The following CLASP1 variants were observed in gnomAD, a reference collection of about 807,000 sequenced individuals.
CLASP1 encodes the protein cytoplasmic linker associated protein 1.
CLASP1 carries 38 observed loss-of-function variants against 192.3 expected under a neutral mutation model. The observed-to-expected ratio is 0.20, with a 90% CI of 0.15 to 0.26. The LOEUF (loss-of-function observed/expected upper bound fraction) is 0.26, where lower values mean the gene tolerates loss of function less well. Among genes scored for constraint, CLASP1 ranks in the 10% least tolerant of loss-of-function variants. The pLI, the probability that CLASP1 is intolerant of heterozygous loss-of-function variation, is 1.00. For missense variants in CLASP1, 1,433 were observed against 1,932.5 expected, an observed-to-expected ratio of 0.74 and a Z score of 4.85; for synonymous variants, 691 against 712.8, an observed-to-expected ratio of 0.97 and a Z score of 0.49.
chr2:121,416,918 C>T (rs2078691510), intron 23 of CLASP1, among the ~76,000 whole-genome samples: 1 of 152,172 alleles, frequency 6.6e-6, no homozygotes, highest in African/African-American at 2.4e-5. Flanking sequence ...GGTGTGTGTA[C>T]ACATGAGCAA....
chr2:121,480,685 A>G (rs371279541), intron 8 of CLASP1, among the ~76,000 whole-genome samples: 22 of 152,260 alleles, frequency 1.4e-4, no homozygotes, highest in East Asian at 1.4e-3. Context: ...TGCCCACCCA[A>G]TATCAACCCC....
At position 121,558,499 on chromosome 2, in the gene CLASP1, G is replaced by T. The variant is rs567568663; in HGVS notation, c.196-28174C>A. 2.6e-5 allele frequency among the ~76,000 whole-genome samples: 4 copies of T among 152,304 alleles called. No individual in the cohort carries two copies. In the South Asian group the frequency reaches 8.3e-4, roughly 32 times the overall value. Reference sequence around the variant, plus strand: ...GCTCTGTCTTCACGAATGGATGAATGAATTAATGGGTTATCACGGGAGTGG... The same window carrying T: ...GCTCTGTCTTCACGAATGGATGAATTAATTAATGGGTTATCACGGGAGTGG... On this transcript the variant is annotated intron_variant, in intron 2 of 39. Coordinates refer to ENST00000263710, the Ensembl canonical transcript of CLASP1.
chr2:121,558,596 C>A (rs983898518), intron 2 of CLASP1, among the ~76,000 whole-genome samples: 1 of 152,140 alleles, frequency 6.6e-6, no homozygotes, highest in Admixed American at 6.5e-5. Context: ...CATGTAATAA[C>A]CCGCACCACC....
At chr2:121,530,531 C>T (rs1227486293) in intron 2 of CLASP1, 8 of 550,114 alleles carry the variant, frequency 1.5e-5, no homozygotes, top group Non-Finnish European at 2.6e-5. Context: ...GGAAAATACT[C>T]GGTGAGGAGA....
intron 1 of CLASP1, among the ~76,000 whole-genome samples, chr2:121,636,168 C>G (rs1484771174): frequency 6.6e-6 from 1 of 151,186 alleles, no homozygotes; most frequent in Non-Finnish European, 1.5e-5. Flanking sequence ...GAAACCCGGT[C>G]TCTACTAAAA....
chr2:121,409,626 G>A (rs1234427162), intron 24 of CLASP1, among the ~76,000 whole-genome samples: 1 of 152,130 alleles, frequency 6.6e-6, no homozygotes, highest in Non-Finnish European at 1.5e-5. Flanking sequence ...AAATTTCCCT[G>A]CCTTAAGTGG....
intron 7 of CLASP1, among the ~76,000 whole-genome samples, chr2:121,507,085 C>T (rs531445204): frequency 6.6e-6 from 1 of 152,098 alleles, no homozygotes; most frequent in South Asian, 2.1e-4. Context: ...AATCAGTCAA[C>T]AAAAACTATT....
intron 8 of CLASP1, among the ~76,000 whole-genome samples, chr2:121,499,879 T>A (rs2093673764): frequency 6.6e-6 from 1 of 151,586 alleles, no homozygotes; most frequent in African/African-American, 2.4e-5. Context: ...AAAGAACATC[T>A]ACAAAAATCC....
intron 1 of CLASP1, among the ~76,000 whole-genome samples, chr2:121,648,399 T>C (rs1014068737): frequency 2.6e-5 from 4 of 152,150 alleles, no homozygotes; most frequent in African/African-American, 9.7e-5. Context: ...GCTCACAGGT[T>C]CTACGAATGG....
rs1191489360 is a variant in CLASP1, at chr2:121,583,834, G to A, written c.195+21867C>T. Among the ~76,000 whole-genome samples the A allele has an allele frequency of 2.0e-5, 3 of 152,106 alleles. No homozygotes were observed. In the East Asian group the frequency reaches 5.8e-4, roughly 29 times the overall value. Reference sequence around the variant, plus strand: ...TTGGGGAGGTGATTAAGTCATGAGGGCAGAGCTCTCATGAATGAGACTAAC... The same window carrying A: ...TTGGGGAGGTGATTAAGTCATGAGGACAGAGCTCTCATGAATGAGACTAAC... On this transcript the variant is annotated intron_variant, in intron 2 of 39. Transcript: ENST00000263710.
chr2:121,585,744 A>T (rs995002048), intron 2 of CLASP1, among the ~76,000 whole-genome samples: 3 of 152,034 alleles, frequency 2.0e-5, no homozygotes, highest in African/African-American at 7.2e-5. Context: ...CTAAAAATAC[A>T]AAATTAGCTG....
At chr2:121,556,194 C>G (rs1467845082) in intron 2 of CLASP1, among the ~76,000 whole-genome samples, 3 of 151,884 alleles carry the variant, frequency 2.0e-5, no homozygotes, top group Non-Finnish European at 4.4e-5. Flanking sequence ...CCATGTTGGC[C>G]AGGCTGGTCT....
intron 2 of CLASP1, chr2:121,530,651 T>G: frequency 1.9e-6 from 1 of 519,700 alleles, no homozygotes; most frequent in Non-Finnish European, 3.4e-6. Context: ...GAGAAAAGCG[T>G]ATGCAAATTT....
chr2:121,510,990 G>T (rs1438983759), intron 7 of CLASP1, among the ~76,000 whole-genome samples: 1 of 152,086 alleles, frequency 6.6e-6, no homozygotes, highest in Non-Finnish European at 1.5e-5. Context: ...AGGCAGTGAA[G>T]GCAGCCAGTT....
intron 1 of CLASP1, among the ~76,000 whole-genome samples, chr2:121,629,610 G>T (rs1331516826): frequency 6.6e-6 from 1 of 151,352 alleles, no homozygotes; most frequent in Non-Finnish European, 1.5e-5. Flanking sequence ...GGCCAACATG[G>T]TGAAACCCCA....
chr2:121,372,274 A>T (rs866873694), intron 34 of CLASP1, among the ~76,000 whole-genome samples: 1 of 152,062 alleles, frequency 6.6e-6, no homozygotes, highest in Non-Finnish European at 1.5e-5. Flanking sequence ...AGTCTCCCTT[A>T]TCTTCTATGC....
intron 2 of CLASP1, among the ~76,000 whole-genome samples, chr2:121,599,681 C>T (rs546904333): frequency 8.7e-5 from 13 of 149,980 alleles, no homozygotes; most frequent in African/African-American, 3.2e-4. Flanking sequence ...TTTGAGAGGC[C>T]GAGGCAGTCG....
At chr2:121,450,700 C>A (rs796472510) in intron 16 of CLASP1, among the ~76,000 whole-genome samples, 19 of 152,170 alleles carry the variant, frequency 1.2e-4, no homozygotes, top group African/African-American at 4.1e-4. Context: ...AACGAGCATT[C>A]TTTTGTCTCC....
chr2:121,474,304 C>T (rs1275645053), intron 8 of CLASP1, among the ~76,000 whole-genome samples: 1 of 152,088 alleles, frequency 6.6e-6, no homozygotes, highest in African/African-American at 2.4e-5. Flanking sequence ...CCATTTCCAT[C>T]CTCAAAGAGC....
Sources: gnomAD v4.1 joint callset for allele counts (sites outside exome capture counted in the v4.1 genomes callset) on GRCh38, gnomAD v4.1.1 for gene constraint, MANE v1.5 for transcripts, NCBI Gene and HGNC (gene_info 2026-07-23, HGNC 2026-07-21) for gene names.